The following EVC variants were observed in gnomAD, a reference collection of about 807,000 sequenced individuals.
The protein encoded by EVC is evC complex member EVC.
In EVC, 116 loss-of-function variants were observed where a neutral mutation model predicts 118.9. The ratio of observed to expected loss-of-function variants is 0.98; its 90% CI spans 0.84 to 1.14. The LOEUF (loss-of-function observed/expected upper bound fraction) is 1.14. Among genes scored for constraint, EVC ranks in the 50% most tolerant of loss-of-function variants. EVC has a pLI of 0.00. For synonymous variants in EVC, 619 were observed against 534.7 expected (o/e 1.16, Z -2.18); for missense variants, 1,401 against 1,246.4 (o/e 1.12, Z -1.87).
At chr4:5,767,216 GC>G (rs1183419812) in intron 11 of EVC, among the ~76,000 whole-genome samples, 1 of 152,068 alleles carries the variant, frequency 6.6e-6, no homozygotes, top group African/African-American at 2.4e-5. Context: ...CTCCTCGGGG[GC>G]CAGGGTTCAG....
Position 5,802,109 on chromosome 4 carries a change from C to A in EVC, c.2449+15C>A, listed in dbSNP as rs367963982. 3 of 1,613,544 alleles carry A rather than the reference C, an allele frequency of 1.9e-6. No individual in the cohort carries two copies. Among genetic ancestry groups the A allele is most frequent in the South Asian group, 2.2e-5 (2 of 91,006 alleles). The stretch of plus-strand genomic sequence containing the variant: ...GACCCTGCAGGGTACGGGACCCCCC[C>A]TCAGGGAAGCCCCAGAAGAGACTGG... On this transcript the variant is annotated intron_variant, in intron 16 of 20. Transcript: ENST00000264956.
intron 11 of EVC, among the ~76,000 whole-genome samples, chr4:5,759,866 G>A (rs1731739006): frequency 6.6e-6 from 1 of 152,196 alleles, no homozygotes; most frequent in African/African-American, 2.4e-5. Context: ...CGCCCAAGGG[G>A]GTCCGGACAC....
intron 11 of EVC, among the ~76,000 whole-genome samples, chr4:5,763,577 T>C (rs1194439070): frequency 7.6e-6 from 1 of 131,272 alleles, no homozygotes; most frequent in Non-Finnish European, 1.6e-5. Context: ...TTTATTTCAT[T>C]GAGCAGTGGT....
chr4:5,791,101 GAA>G (rs966558695), intron 12 of EVC, among the ~76,000 whole-genome samples: 1 of 151,728 alleles, frequency 6.6e-6, no homozygotes, highest in Non-Finnish European at 1.5e-5. Context: ...ATCTCAAAAA[GAA>G]AAAAAGAAAA....
intron 12 of EVC, among the ~76,000 whole-genome samples, chr4:5,788,355 T>C (rs1712100696): frequency 4.6e-5 from 7 of 152,194 alleles, no homozygotes. Context: ...ACTTCTGTGC[T>C]CACTCACATG....
intron 11 of EVC, among the ~76,000 whole-genome samples, chr4:5,764,608 A>T (rs1249700454): frequency 6.7e-6 from 1 of 149,116 alleles, no homozygotes; most frequent in Non-Finnish European, 1.5e-5. Flanking sequence ...CAGAGATTCA[A>T]CTTCTTCCTG....
At chr4:5,786,612 G>A (rs1405186306) in intron 12 of EVC, among the ~76,000 whole-genome samples, 2 of 152,116 alleles carry the variant, frequency 1.3e-5, no homozygotes, top group South Asian at 4.1e-4. Context: ...GGTGGCTCAC[G>A]CCTATAATCC....
chr4:5,711,229 G>A lies in EVC; in HGVS notation c.-152G>A. On this transcript the variant is annotated 5_prime_UTR_variant, in exon 1 of 21. Transcript: ENST00000264956. Reference sequence around the variant, plus strand: ...GCTCGGCGAAGCAGGGAAGGGGAGAGAAGCAGGAGTCGGGAGACTGCACAG... The same window carrying A: ...GCTCGGCGAAGCAGGGAAGGGGAGAAAAGCAGGAGTCGGGAGACTGCACAG... The A allele has an allele frequency of 2.7e-6, 1 of 376,792 alleles. No individual in the cohort carries two copies. Among genetic ancestry groups the A allele is most frequent in the Non-Finnish European group, 3.7e-6 (1 of 272,866 alleles). The allele number at this position is 376,792 out of a possible 1,614,324, so 23.3% of individuals were successfully genotyped here.
chr4:5,805,265 T>C (rs996539776), intron 17 of EVC, among the ~76,000 whole-genome samples: 3 of 152,144 alleles, frequency 2.0e-5, no homozygotes, highest in Non-Finnish European at 4.4e-5. Context: ...CTGCTTCCTG[T>C]AACTGTGACC....
chr4:5,738,687 C>T lies in EVC; in HGVS notation c.703-3029C>T, dbSNP rs554666647. On this transcript the variant is annotated intron_variant, in intron 5 of 20. Transcript: ENST00000264956. The surrounding 1 kb of genome is among the most constrained non-coding windows in gnomAD (Gnocchi z 6.5). ...ATTCAAGTGATTCTCCCGCCTCAGC[C>T]TCCCGAGCAGCTGGGACCACAGGCG... Among the ~76,000 whole-genome samples, 3 of 152,050 alleles carry T rather than the reference C, an allele frequency of 2.0e-5. No homozygotes were observed. The highest frequency in any genetic ancestry group is 7.2e-5 in the African/African-American group (3 of 41,502).
Position 5,792,722 on chromosome 4 carries a change from G to C in EVC, c.1777-886G>C, listed in dbSNP as rs559948132. Among the ~76,000 whole-genome samples the C allele has an allele frequency of 3.3e-5, 5 of 152,250 alleles. No homozygotes were observed. The South Asian group carries it at 1.0e-3, about 32-fold the overall frequency. ...CTGTCACAACTATGAAGATTGCTCT[G>C]AAATGTCACCATATACGAAATCAGT... On this transcript the variant is annotated intron_variant, in intron 12 of 20. Transcript: ENST00000264956.
At position 5,769,378 on chromosome 4, in the gene EVC, G is replaced by A. The variant is rs531861989; in HGVS notation, c.1563+13016G>A. Among the ~76,000 whole-genome samples, 4 of 152,252 alleles carry A rather than the reference G, an allele frequency of 2.6e-5. No homozygotes were observed. In the South Asian group the frequency reaches 8.3e-4, roughly 32 times the overall value. The stretch of plus-strand genomic sequence containing the variant: ...GTCCCATGACATGGGGATTATGGGA[G>A]CTACAATTCAAGATGAGATTTAGGT... On this transcript the variant is annotated intron_variant, in intron 11 of 20. Transcript: ENST00000264956.
chr4:5,719,174 A>G lies in EVC; in HGVS notation c.175-74A>G. The G allele has an allele frequency of 5.0e-6, 8 of 1,602,900 alleles. No homozygotes were observed. In the South Asian group the frequency reaches 8.8e-5, roughly 18 times the overall value. On this transcript the variant is annotated intron_variant, in intron 1 of 20. Coordinates refer to ENST00000264956, the MANE Select transcript of EVC (RefSeq NM_153717.3). This position sits in a 1 kb window ranked among gnomAD's most constrained non-coding sequence, Gnocchi z 4.7. ...CTGGGGGAGTTGACTGGCAAAAGTC[A>G]CGGTGGGGACCAGGCCGACTGACCT... is the stretch of plus-strand genomic sequence containing the variant.
intron 4 of EVC, among the ~76,000 whole-genome samples, chr4:5,732,396 C>T (rs2151940885): frequency 6.6e-6 from 1 of 152,336 alleles, no homozygotes; most frequent in African/African-American, 2.4e-5. Flanking sequence ...TGAAAGTGGC[C>T]CAGGCAGAAG....
intron 11 of EVC, among the ~76,000 whole-genome samples, chr4:5,763,441 G>A (rs1391557310): frequency 7.7e-6 from 1 of 129,496 alleles, no homozygotes; most frequent in Non-Finnish European, 1.7e-5. Context: ...TGTGAAGAAA[G>A]TCATTGGTAG....
the EVC span, chr4:5,821,882 G>C: frequency 7.9e-5 from 120 of 1,516,512 alleles, no homozygotes; most frequent in Middle Eastern, 6.9e-4. This position sits in a 1 kb window ranked among gnomAD's most constrained non-coding sequence, Gnocchi z 4.4. Flanking sequence ...CTGCTGGATG[G>C]GATCTGTTAG....
intron 11 of EVC, among the ~76,000 whole-genome samples, chr4:5,771,173 A>T (rs1733892546): frequency 6.6e-6 from 1 of 152,164 alleles, no homozygotes; most frequent in Non-Finnish European, 1.5e-5. Context: ...GGAGGTCAGA[A>T]GTCTGATGTG....
rs979615351 is a variant in EVC, at chr4:5,742,586, A to G, written c.801+772A>G. 1.3e-5 allele frequency among the ~76,000 whole-genome samples: 2 copies of G among 152,106 alleles called. No individual in the cohort carries two copies. The highest frequency in any genetic ancestry group is 6.6e-5 in the Admixed American group (1 of 15,262). Reference sequence around the variant, plus strand: ...ATCATTCTTTGTCTTTACCACCATCATCATCATCCTCATGACCGCTGTCAT... The same window carrying G: ...ATCATTCTTTGTCTTTACCACCATCGTCATCATCCTCATGACCGCTGTCAT... On this transcript the variant is annotated intron_variant, in intron 6 of 20. Coordinates refer to ENST00000264956, the MANE Select transcript of EVC (RefSeq NM_153717.3). The surrounding 1 kb of genome is among the most constrained non-coding windows in gnomAD (Gnocchi z 5.2).
chr4:5,713,676 C>CAAAA (rs35032068), intron 1 of EVC, among the ~76,000 whole-genome samples: 13 of 71,722 alleles, frequency 1.8e-4, no homozygotes, highest in East Asian at 4.7e-4. Flanking sequence ...GGCTCCGTCT[C>CAAAA]AAAAAAAAAA....
Sources: allele counts gnomAD v4.1 joint callset (sites outside exome capture counted in the v4.1 genomes callset), GRCh38; gene constraint gnomAD v4.1.1; non-coding constraint Gnocchi (gnomAD v3.1); transcripts MANE v1.5; gene names NCBI Gene and HGNC (gene_info 2026-07-23, HGNC 2026-07-21).